Variants in GTF3C1 observed in about 807,000 individuals in gnomAD.
GTF3C1 encodes the protein general transcription factor IIIC subunit 1, also known as general transcription factor 3C polypeptide 1.
Under a neutral mutation model 226.7 loss-of-function variants are expected in GTF3C1, and 57 were observed. The observed-to-expected ratio is 0.25, with a 90% CI of 0.20 to 0.31. The LOEUF (loss-of-function observed/expected upper bound fraction) is 0.31. Among genes scored for constraint, GTF3C1 ranks in the 10% least tolerant of loss-of-function variants. GTF3C1 has a pLI of 1.00. For missense variants in GTF3C1, 2,217 were observed against 2,776.1 expected (o/e 0.80, Z 4.53); for synonymous variants, 1,090 against 1,084.8 (o/e 1.00, Z -0.09).
chr16:27,508,611 C>T lies in GTF3C1; in HGVS notation c.1171G>A (p.Val391Met). The change falls in exon 8 of 37, where the codon GTG becomes ATG. Residue 391 changes from valine (V) to methionine (M), a missense_variant. Val to Met is a conservative substitution (Grantham distance 21). Transcript: ENST00000356183. Reference sequence around the variant, plus strand: ...TCTAGTTTTCCCACATTCATAGCCACTCGGATTTCAGCTTGGGAAATTCCT... The same window carrying T: ...TCTAGTTTTCCCACATTCATAGCCATTCGGATTTCAGCTTGGGAAATTCCT... ...TKGISQAEIR[V>M]AMNVGKLEAR... 1 of 1,614,222 alleles carries T rather than the reference C, an allele frequency of 6.2e-7. No individual in the cohort carries two copies. Among genetic ancestry groups the T allele is most frequent in the Non-Finnish European group, 8.5e-7 (1 of 1,180,024 alleles).
intron 25 of GTF3C1, chr16:27,483,517 C>G: frequency 4.3e-6 from 2 of 459,904 alleles, no homozygotes; most frequent in Non-Finnish European, 4.4e-6. Context: ...TACTGCAAAG[C>G]AGGTGTGTCC....
In GTF3C1 at chr16:27,528,844, A is replaced by T. The variant is rs2088872044; in HGVS notation, c.850-123T>A. ...AATTGATTATCTTGAGGTACTAATG[A>T]GGAAAGCCTGCCAAGCTACCTTGTC... is the stretch of plus-strand genomic sequence containing the variant. On this transcript the variant is annotated intron_variant, in intron 5 of 36. Transcript: ENST00000356183. The T allele has an allele frequency of 6.2e-6, 6 of 973,606 alleles. No individual in the cohort carries two copies. In the East Asian group the frequency reaches 1.5e-4, roughly 24 times the overall value. The allele number at this position is 973,606 out of a possible 1,614,324, so 60.3% of individuals were successfully genotyped here. A position where few individuals can be genotyped will look rare whatever the true frequency, so the allele number is the denominator to read the frequency against.
In GTF3C1 at chr16:27,465,534, G is replaced by A; in HGVS notation, c.5081C>T (p.Pro1694Leu). ...GGTTCCCATTGTTAGCTCTTCCAGA[G>A]GAGCGGCTGTGGGGACACAGAGGAA... ...VPARLRPAAAPLEELTMGTSC... is the reference protein window; with the variant it reads ...VPARLRPAAALLEELTMGTSC... Residue 1694 changes from proline to leucine, a missense_variant, in exon 33 of 37, where the codon CCT becomes CTT. Around this residue, in one of 12 missense-constraint regions of GTF3C1, gnomAD observed 455 missense variants for 441.9 expected, o/e 1.03. Transcript: ENST00000356183. 6.3e-7 allele frequency: 1 copy of A among 1,597,564 alleles called. No individual in the cohort carries two copies. The highest frequency in any genetic ancestry group is 8.5e-7 in the Non-Finnish European group (1 of 1,178,332).
At chr16:27,468,914 G>C (rs2087823383) in intron 32 of GTF3C1, among the ~76,000 whole-genome samples, 1 of 152,196 alleles carries the variant, frequency 6.6e-6, no homozygotes, top group African/African-American at 2.4e-5. Flanking sequence ...ACACACTTTA[G>C]AGTTGCAGAG....
intron 1 of GTF3C1, among the ~76,000 whole-genome samples, chr16:27,545,726 G>A (rs2089152997): frequency 6.6e-6 from 1 of 152,178 alleles, no homozygotes; most frequent in African/African-American, 2.4e-5. Context: ...GGACTCCCCA[G>A]ACTATTCCAG....
chr16:27,464,969 C>T (rs936709197), intron 33 of GTF3C1, 133 bp from the exon 34 acceptor site: 4 of 762,682 alleles, frequency 5.2e-6, no homozygotes, highest in Non-Finnish European at 8.2e-6. Flanking sequence ...ACGAGGCAGG[C>T]CTGGCTCCTA....
chr16:27,472,787 C>G (rs1421908781), intron 29 of GTF3C1, among the ~76,000 whole-genome samples: 1 of 152,234 alleles, frequency 6.6e-6, no homozygotes, highest in East Asian at 1.9e-4. Context: ...CCTCAAATAA[C>G]AAATCCCTCT....
At chr16:27,481,934 T>G (rs1306853258) in intron 26 of GTF3C1, among the ~76,000 whole-genome samples, 1 of 152,224 alleles carries the variant, frequency 6.6e-6, no homozygotes, top group African/African-American at 2.4e-5. Flanking sequence ...CCACACTTTC[T>G]GATTAGCCAG....
Position 27,495,255 on chromosome 16 carries a change from T to C in GTF3C1, c.2588A>G (p.Asp863Gly). 6.2e-7 allele frequency: 1 copy of C among 1,613,470 alleles called. No individual in the cohort carries two copies. Among genetic ancestry groups the C allele is most frequent in the Non-Finnish European group, 8.5e-7 (1 of 1,179,754 alleles). The stretch of plus-strand genomic sequence containing the variant: ...CACTTCAGCCTCCCAGGTGACACCA[T>C]CTTGGCTGCCTTTAGATGGGGCTTC... ...CSEAPSKGSQ[D>G]GVTWEAEVEL... The change falls in exon 15 of 37, where the codon GAT becomes GGT. Residue 863 changes from aspartate to glycine, a missense_variant. Asp to Gly is a moderately conservative substitution (Grantham distance 94, BLOSUM62 -1). This residue lies in a region of GTF3C1 where 353 missense variants were observed against 411.7 expected (regional missense o/e 0.86). Transcript: ENST00000356183.
At chr16:27,516,364 G>T (rs777694308) in intron 6 of GTF3C1, among the ~76,000 whole-genome samples, 5 of 152,250 alleles carry the variant, frequency 3.3e-5, no homozygotes, top group Non-Finnish European at 7.3e-5. Flanking sequence ...AGTGGGTGCT[G>T]TGGGTGGGCC....
At chr16:27,479,117 G>A (rs1199589595) in intron 27 of GTF3C1, among the ~76,000 whole-genome samples, 3 of 152,178 alleles carry the variant, frequency 2.0e-5, no homozygotes, top group Admixed American at 2.0e-4. Flanking sequence ...TTTAAGGTTT[G>A]TATTGCCAAC....
In GTF3C1 at chr16:27,470,573, TTG is replaced by T. The variant is rs2087853048; in HGVS notation, c.4527-180_4527-179del. The T allele has an allele frequency of 3.3e-6, 2 of 603,892 alleles. No homozygotes were observed. The highest frequency in any genetic ancestry group is 5.9e-6 in the Non-Finnish European group (2 of 341,570). 37.4% of individuals were successfully genotyped at this position (603,892 alleles called of 1,614,324 possible). A position where few individuals can be genotyped will look rare whatever the true frequency, so the allele number is the denominator to read the frequency against. On this transcript the variant is annotated intron_variant, in intron 30 of 36. Transcript: ENST00000356183. The surrounding 1 kb of genome is among the most constrained non-coding windows in gnomAD (Gnocchi z 4.9). ...GTGCTGCATTCCCACCTAGCGGTGT[TTG>T]TGTCTCTCTTCCCCGCTTGCCTGAG... is the stretch of plus-strand genomic sequence containing the variant.
chr16:27,482,382 T>C, intron 26 of GTF3C1: 2 of 431,922 alleles, frequency 4.6e-6, no homozygotes, highest in South Asian at 1.6e-5. Flanking sequence ...GGTTAGGTTT[T>C]TCTGTCACTT....
chr16:27,543,008 A>G (rs1321135271), intron 2 of GTF3C1, among the ~76,000 whole-genome samples: 1 of 152,256 alleles, frequency 6.6e-6, no homozygotes, highest in East Asian at 1.9e-4. Flanking sequence ...CCACACTGGT[A>G]TGCACAGCAG....
At chr16:27,475,674 T>C (rs1010421523) in intron 29 of GTF3C1, among the ~76,000 whole-genome samples, 1 of 152,122 alleles carries the variant, frequency 6.6e-6, no homozygotes, top group Non-Finnish European at 1.5e-5. Flanking sequence ...GGGGGTTCGA[T>C]GTGATTTCCC....
Position 27,462,623 on chromosome 16 carries a change from T to C in GTF3C1, c.5925-137A>G. ...AGACCAGCCACCTCTTGCTCTCTGC[T>C]TTCCAAACTCCCTGCTTCTCTCCTG... On this transcript the variant is annotated intron_variant, in intron 35 of 36. Coordinates refer to ENST00000356183, the MANE Select transcript of GTF3C1 (RefSeq NM_001520.4). The surrounding 1 kb of genome is among the most constrained non-coding windows in gnomAD (Gnocchi z 4.5). 1 of 642,684 alleles carries C rather than the reference T, an allele frequency of 1.6e-6. No homozygotes were observed. The allele number at this position is 642,684 out of a possible 1,614,324, so 39.8% of individuals were successfully genotyped here. A position where few individuals can be genotyped will look rare whatever the true frequency, so the allele number is the denominator to read the frequency against.
chr16:27,545,559 A>C (rs1434347607), intron 1 of GTF3C1, 36 bp from the exon 2 acceptor site: 2 of 1,191,462 alleles, frequency 1.7e-6, no homozygotes, highest in Non-Finnish European at 2.5e-6. Flanking sequence ...AGCCCAACTC[A>C]GCTTCAGATA....
intron 4 of GTF3C1, among the ~76,000 whole-genome samples, chr16:27,537,061 T>G (rs1006611060): frequency 2.0e-5 from 3 of 152,244 alleles, no homozygotes; most frequent in African/African-American, 7.2e-5. Flanking sequence ...AATATCCTGC[T>G]AAAATAGCAA....
intron 12 of GTF3C1, among the ~76,000 whole-genome samples, chr16:27,499,404 C>T (rs2088371343): frequency 6.6e-6 from 1 of 152,204 alleles, no homozygotes; most frequent in African/African-American, 2.4e-5. Flanking sequence ...GCACACCAGC[C>T]ATGTTGTGGC....
Sources: gnomAD v4.1 joint callset for allele counts (sites outside exome capture counted in the v4.1 genomes callset) on GRCh38, gnomAD v4.1.1 for gene constraint, gnomAD v4.1.1 regional missense constraint, Gnocchi (gnomAD v3.1) non-coding constraint, MANE v1.5 for transcripts, NCBI Gene and HGNC (gene_info 2026-07-23, HGNC 2026-07-21) for gene names.